Variants in SYTL4 observed in about 807,000 individuals in gnomAD.
SYTL4 encodes the protein synaptotagmin like 4, also known as synaptotagmin-like protein 4.
Under a neutral mutation model 52.7 loss-of-function variants are expected in SYTL4, and 16 were observed. The observed-to-expected ratio is 0.30, with a 90% CI of 0.21 to 0.46. The LOEUF is 0.46. SYTL4 is among the 20% of genes least tolerant of loss of function. The pLI is 1.00. For missense variants in SYTL4, 423 were observed against 519.9 expected, an observed-to-expected ratio of 0.81 and a Z score of 1.81; for synonymous variants, 160 against 186.6, an observed-to-expected ratio of 0.86 and a Z score of 1.16.
chrX:100,677,125 T>TG (rs2083291940), intron 19 of SYTL4, among the ~76,000 whole-genome samples: 1 of 112,218 alleles, frequency 8.9e-6, no homozygotes, highest in African/African-American at 3.2e-5. Context: ...ACTGTGCAGA[T>TG]GGAGTGGTCT....
chrX:100,694,383 C>A (rs61249948), intron 8 of SYTL4, among the ~76,000 whole-genome samples: 2,406 of 111,225 alleles, frequency 0.022, 35 homozygotes, highest in African/African-American at 0.046. Flanking sequence ...AAGTGCCAAA[C>A]AAAATCTCAC....
chrX:100,713,372 G>A (rs2084115606), intron 2 of SYTL4, among the ~76,000 whole-genome samples: 1 of 112,016 alleles, frequency 8.9e-6, no homozygotes, highest in South Asian at 3.7e-4. Context: ...TTGAACCAGG[G>A]AGGTGGTGGT....
At chrX:100,731,572 G>GCCCCGC (rs1002977487) in intron 1 of SYTL4, 67 bp from the exon 2 acceptor site, 1 of 112,544 alleles carries the variant, frequency 8.9e-6, no homozygotes, top group Non-Finnish European at 1.9e-5. Flanking sequence ...TAGGAGCTCG[G>GCCCCGC]CCCCGCCCCC....
intron 2 of SYTL4, among the ~76,000 whole-genome samples, chrX:100,723,762 G>A (rs1204325253): frequency 1.8e-5 from 2 of 108,594 alleles, no homozygotes; most frequent in East Asian, 3.0e-4. Flanking sequence ...GAGCCCCTCC[G>A]CCCGGCAGCC....
intron 8 of SYTL4, among the ~76,000 whole-genome samples, chrX:100,692,095 A>T (rs1030129657): frequency 9.0e-6 from 1 of 110,507 alleles, no homozygotes; most frequent in Non-Finnish European, 1.9e-5. Context: ...ACTTTTCTTC[A>T]CCTGCCTCAA....
rs555122041 is a variant in SYTL4 at position 100,698,881 on chromosome X, T to C, written c.539+2016A>G. Among the ~76,000 whole-genome samples, 44 of 112,336 alleles carry C rather than the reference T, an allele frequency of 3.9e-4. No homozygotes were observed. In the South Asian group the frequency reaches 0.015, roughly 39 times the overall value. ...TGGTTTATGGTTATATAAGAGAATG[T>C]AAATATTATAAACCCTGACAAAGGA... On this transcript the variant is annotated intron_variant, in intron 8 of 19. Coordinates refer to ENST00000372989, the MANE Select transcript of SYTL4 (RefSeq NM_001370165.1).
intron 10 of SYTL4, among the ~76,000 whole-genome samples, 177 bp from the exon 11 acceptor site, chrX:100,690,342 A>C (rs1214120765): frequency 8.9e-6 from 1 of 111,765 alleles, no homozygotes; most frequent in Non-Finnish European, 1.9e-5. Flanking sequence ...ACACATTTCA[A>C]ACAAAACTTC....
At chrX:100,681,161 G>T in intron 17 of SYTL4, 66 bp downstream of exon 17, 1 of 973,298 alleles carries the variant, frequency 1.0e-6, no homozygotes, top group Non-Finnish European at 1.5e-6. Context: ...CCAGTAGCCA[G>T]CACCGGCCTT....
At chrX:100,723,761 C>A (rs1346043871) in intron 2 of SYTL4, among the ~76,000 whole-genome samples, 3 of 106,730 alleles carry the variant, frequency 2.8e-5, no homozygotes, top group Non-Finnish European at 5.8e-5. Context: ...GGAGCCCCTC[C>A]GCCCGGCAGC....
intron 2 of SYTL4, among the ~76,000 whole-genome samples, chrX:100,711,852 AGCTAGAGT>A (rs1300530861): frequency 1.0e-5 from 1 of 99,018 alleles, no homozygotes; most frequent in Non-Finnish European, 2.0e-5. Flanking sequence ...TCTTAAAAGA[AGCTAGAGT>A]GGTGGGGTGG....
At chrX:100,684,562 T>C (rs1450085070) in intron 16 of SYTL4, 1 of 109,193 alleles carries the variant, frequency 9.2e-6, no homozygotes, top group Non-Finnish European at 1.9e-5. Flanking sequence ...CACAAAAGGA[T>C]GCCCATGATA....
At chrX:100,707,921 T>A (rs1382697498) in intron 2 of SYTL4, among the ~76,000 whole-genome samples, 2 of 111,387 alleles carry the variant, frequency 1.8e-5, no homozygotes, top group Non-Finnish European at 3.8e-5. Context: ...CCCATGCCCA[T>A]AAAAATATAT....
chrX:100,700,194 C>T (rs1334728738), intron 8 of SYTL4, among the ~76,000 whole-genome samples: 1 of 111,368 alleles, frequency 9.0e-6, no homozygotes, highest in African/African-American at 3.3e-5. Context: ...TTGCATTGTA[C>T]ACCAAAAATG....
chrX:100,720,506 TCTC>T (rs1181917090), intron 2 of SYTL4, among the ~76,000 whole-genome samples: 2 of 112,026 alleles, frequency 1.8e-5, no homozygotes, highest in East Asian at 2.8e-4. Flanking sequence ...AAGACCCTCT[TCTC>T]CTGCTGGGAT....
intron 2 of SYTL4, among the ~76,000 whole-genome samples, chrX:100,727,971 G>C (rs1033248663): frequency 9.0e-6 from 1 of 111,538 alleles, no homozygotes; most frequent in African/African-American, 3.3e-5. Flanking sequence ...TAGGTCATTG[G>C]ATATATGAGG....
At chrX:100,722,801 T>C (rs12011801) in intron 2 of SYTL4, among the ~76,000 whole-genome samples, 16,199 of 111,317 alleles carry the variant, frequency 0.15, 2,479 homozygotes, top group African/African-American at 0.47. Context: ...TCCTCATCTC[T>C]CCAATCATTT....
At chrX:100,690,935 AG>A (rs2083585194) in intron 9 of SYTL4, among the ~76,000 whole-genome samples, 172 bp downstream of exon 9, 1 of 112,794 alleles carries the variant, frequency 8.9e-6, no homozygotes, top group Non-Finnish European at 1.9e-5. Flanking sequence ...AATGTGTTCC[AG>A]GAAGCTGTGC....
intron 8 of SYTL4, 148 bp downstream of exon 8, chrX:100,700,749 A>AT (rs377423442): frequency 1.0e-4 from 47 of 469,706 alleles, no homozygotes; most frequent in African/African-American, 4.6e-4. Flanking sequence ...ATTAGGAATG[A>AT]TTTTTTCCCT....
At chrX:100,688,241 A>T in intron 13 of SYTL4, 110 bp downstream of exon 13, 1 of 594,697 alleles carries the variant, frequency 1.7e-6, no homozygotes, top group Non-Finnish European at 2.8e-6. Flanking sequence ...TACTTACCTG[A>T]AAAGAGTGAC....
Sources: allele counts gnomAD v4.1 joint callset (sites outside exome capture counted in the v4.1 genomes callset), GRCh38; gene constraint gnomAD v4.1.1; transcripts MANE v1.5; gene names NCBI Gene and HGNC (gene_info 2026-07-23, HGNC 2026-07-21).